Variants in HEPHL1 observed in about 807,000 individuals in gnomAD.
The protein encoded by HEPHL1 is hephaestin like 1.
A neutral mutation model predicts 122.0 loss-of-function variants in HEPHL1; 123 were observed. The observed-to-expected ratio is 1.01, with a 90% confidence interval of 0.87 to 1.17. The LOEUF (loss-of-function observed/expected upper bound fraction) is 1.17. Among genes scored for constraint, HEPHL1 ranks in the 50% most tolerant of loss-of-function variants. The pLI is 0.00. For synonymous variants in HEPHL1, 527 were observed against 508.9 expected, an observed-to-expected ratio of 1.04 and a Z score of -0.48; for missense variants, 1,452 against 1,430.5, an observed-to-expected ratio of 1.01 and a Z score of -0.24.
chr11:94,051,956 T>A (rs927353765), intron 2 of HEPHL1, among the ~76,000 whole-genome samples: 1 of 152,116 alleles, frequency 6.6e-6, no homozygotes, highest in Non-Finnish European at 1.5e-5. Context: ...TGTAGATGTA[T>A]GGATTTATTT....
At chr11:94,095,529 AAG>A (rs1946304058) in intron 13 of HEPHL1, among the ~76,000 whole-genome samples, 1 of 152,138 alleles carries the variant, frequency 6.6e-6, no homozygotes. Context: ...CAATTCTGTG[AAG>A]AAAGTCATTG....
intron 2 of HEPHL1, among the ~76,000 whole-genome samples, chr11:94,054,362 A>G (rs1004156928): frequency 6.6e-6 from 1 of 152,186 alleles, no homozygotes; most frequent in African/African-American, 2.4e-5. Context: ...CTCTTGCACT[A>G]TCTAAGTCCA....
At chr11:94,045,561 A>G in intron 1 of HEPHL1, 112 bp from the exon 2 acceptor site, 1 of 890,448 alleles carries the variant, frequency 1.1e-6, no homozygotes, top group Middle Eastern at 3.4e-4. Flanking sequence ...TGCAGCTTAT[A>G]GTGAACACCA....
At chr11:94,025,552 G>A (rs567377175) in intron 1 of HEPHL1, among the ~76,000 whole-genome samples, 1 of 152,250 alleles carries the variant, frequency 6.6e-6, no homozygotes, top group South Asian at 2.1e-4. Context: ...GCTAACTCAT[G>A]GGTGGAACTG....
chr11:94,063,441 A>G (rs1946003063), intron 2 of HEPHL1, 67 bp from the exon 3 acceptor site: 1 of 1,256,042 alleles, frequency 8.0e-7, no homozygotes, highest in Non-Finnish European at 1.1e-6. Flanking sequence ...GGCCCTCTCT[A>G]CTATAGCATG....
chr11:94,063,367 G>T (rs1419696306), intron 2 of HEPHL1, 141 bp from the exon 3 acceptor site: 2 of 665,596 alleles, frequency 3.0e-6, no homozygotes, highest in Non-Finnish European at 5.1e-6. Context: ...GAGAATTTAA[G>T]TAACTTGCCT....
intron 9 of HEPHL1, among the ~76,000 whole-genome samples, chr11:94,080,239 C>A (rs991600828): frequency 3.3e-5 from 5 of 152,072 alleles, no homozygotes; most frequent in Non-Finnish European, 5.9e-5. Context: ...AACTGGCTAG[C>A]CATATGCAGA....
intron 2 of HEPHL1, chr11:94,055,999 G>C (rs553357352): frequency 3.4e-6 from 3 of 876,016 alleles, no homozygotes; most frequent in Non-Finnish European, 5.1e-6. Context: ...CCCTTTCGCA[G>C]CCAGCTTCCA....
chr11:94,086,905 A>G (rs1035501743), intron 11 of HEPHL1, among the ~76,000 whole-genome samples: 2 of 145,200 alleles, frequency 1.4e-5, no homozygotes, highest in African/African-American at 5.7e-5. Flanking sequence ...GTTTTTCCAA[A>G]CCAATTTTTT....
chr11:94,066,504 A>C (rs964036942), intron 4 of HEPHL1, among the ~76,000 whole-genome samples: 37 of 152,220 alleles, frequency 2.4e-4, no homozygotes, highest in African/African-American at 8.4e-4. Flanking sequence ...CAGTGAGCTG[A>C]GATTGTGCCA....
In HEPHL1 at chr11:94,042,871, A is replaced by G. The variant is rs11020639; in HGVS notation, c.171-2802A>G. Reference sequence around the variant, plus strand: ...GCACATGTACCCTAAAACTTAAAGTATAATAAAAAAAAAAAAAAAAAACTG... The same window carrying G: ...GCACATGTACCCTAAAACTTAAAGTGTAATAAAAAAAAAAAAAAAAAACTG... On this transcript the variant is annotated intron_variant, in intron 1 of 19. Transcript: ENST00000315765. Among the ~76,000 whole-genome samples, 5 of 124,568 alleles carry G rather than the reference A, an allele frequency of 4.0e-5. 1 individual carries two copies. Among genetic ancestry groups the G allele is most frequent in the African/African-American group, 1.6e-4 (5 of 31,870 alleles). 81.7% of individuals were successfully genotyped at this position (124,568 alleles called of 152,430 possible).
At position 94,113,860 on chromosome 11, in the gene HEPHL1, C is replaced by T. The variant is rs1393650183; in HGVS notation, c.*1966C>T. Reference sequence around the variant, plus strand: ...TTAGGGGCTATGACTATGCCAATGACACTTGTTAGAGGAAATGAAACAAAA... The same window carrying T: ...TTAGGGGCTATGACTATGCCAATGATACTTGTTAGAGGAAATGAAACAAAA... On this transcript the variant is annotated 3_prime_UTR_variant, in exon 20 of 20. Transcript: ENST00000315765. 6.6e-6 allele frequency: 1 copy of T among 152,166 alleles called. No homozygotes were observed. The highest frequency in any genetic ancestry group is 2.4e-5 in the African/African-American group (1 of 41,416). The allele number at this position is 152,166 out of a possible 1,614,324, so 9.4% of individuals were successfully genotyped here.
At chr11:94,088,718 G>T in intron 11 of HEPHL1, 37 bp from the exon 12 acceptor site, 1 of 1,516,488 alleles carries the variant, frequency 6.6e-7, no homozygotes, top group South Asian at 1.2e-5. Flanking sequence ...CAAAAATACC[G>T]AGCACCACAC....
At chr11:94,051,563 C>T (rs11020642) in intron 2 of HEPHL1, among the ~76,000 whole-genome samples, 88,447 of 151,832 alleles carry the variant, frequency 0.58, 25,938 homozygotes, top group South Asian at 0.68. Context: ...AGGTAGTTTG[C>T]AAATATTTTC....
At chr11:94,107,903 CTAGAAG>C (rs146680688) in intron 17 of HEPHL1, among the ~76,000 whole-genome samples, 3,668 of 152,112 alleles carry the variant, frequency 0.024, 144 homozygotes, top group African/African-American at 0.084. Flanking sequence ...GAGAAAATAC[CTAGAAG>C]TAGGATTGCT....
chr11:94,027,012 G>A (rs1056613445), intron 1 of HEPHL1, among the ~76,000 whole-genome samples: 2 of 152,306 alleles, frequency 1.3e-5, no homozygotes, highest in African/African-American at 2.4e-5. Flanking sequence ...GAGGCCAGAT[G>A]TCTGAACTGC....
chr11:94,090,025 G>A (rs1205315442), intron 12 of HEPHL1, among the ~76,000 whole-genome samples: 1 of 151,860 alleles, frequency 6.6e-6, no homozygotes, highest in Non-Finnish European at 1.5e-5. Context: ...CTTAACACAA[G>A]TATTTCTTTT....
chr11:94,075,120 C>A (rs1426476515), intron 8 of HEPHL1, 54 bp from the exon 9 acceptor site: 3 of 1,487,518 alleles, frequency 2.0e-6, no homozygotes, highest in Non-Finnish European at 2.8e-6. Flanking sequence ...CCAGTCTGAC[C>A]AATGTAATGT....
chr11:94,047,161 G>C (rs1322174184), intron 2 of HEPHL1, among the ~76,000 whole-genome samples: 3 of 152,172 alleles, frequency 2.0e-5, no homozygotes, highest in African/African-American at 4.8e-5. Flanking sequence ...ATTGTGCCAG[G>C]TAAACTTTAA....
Sources: gnomAD v4.1 joint callset for allele counts (sites outside exome capture counted in the v4.1 genomes callset) on GRCh38, gnomAD v4.1.1 for gene constraint, MANE v1.5 for transcripts, NCBI Gene and HGNC (gene_info 2026-07-23, HGNC 2026-07-21) for gene names.